FMN1: variants seen among roughly 807,000 people sequenced by gnomAD.
The protein encoded by FMN1 is formin-1.
A neutral mutation model predicts 132.4 loss-of-function variants in FMN1; 110 were observed. The ratio of observed to expected loss-of-function variants is 0.83; its 90% CI spans 0.71 to 0.97. The LOEUF (loss-of-function observed/expected upper bound fraction) is 0.97. Among genes scored for constraint, FMN1 ranks in the 50% least tolerant of loss-of-function variants. FMN1 has a pLI of 0.00. For missense variants in FMN1, 1,792 were observed against 1,705.3 expected (o/e 1.05, Z -0.90); for synonymous variants, 722 against 651.7 (o/e 1.11, Z -1.64).
At chr15:32,809,697 C>T (rs1408335773) in intron 17 of FMN1, among the ~76,000 whole-genome samples, 1 of 152,012 alleles carries the variant, frequency 6.6e-6, no homozygotes, top group Non-Finnish European at 1.5e-5. Flanking sequence ...TCTGAGGGGC[C>T]CTCCATGCCT....
intron 4 of FMN1, among the ~76,000 whole-genome samples, chr15:33,148,197 C>G (rs550292986): frequency 6.6e-6 from 1 of 152,282 alleles, no homozygotes; most frequent in South Asian, 2.1e-4. Flanking sequence ...ATTTAAAATT[C>G]CATCCCATCT....
intron 8 of FMN1, among the ~76,000 whole-genome samples, chr15:32,965,446 C>G (rs780234915): frequency 6.6e-6 from 1 of 152,156 alleles, no homozygotes; most frequent in Non-Finnish European, 1.5e-5. Context: ...CAAATTTCAT[C>G]TATATACTTA....
intron 19 of FMN1, among the ~76,000 whole-genome samples, chr15:32,788,960 C>T (rs1043687632): frequency 4.6e-5 from 7 of 152,134 alleles, no homozygotes; most frequent in African/African-American, 1.7e-4. Flanking sequence ...GATTCTTGGG[C>T]AAAAGCAACC....
chr15:33,190,501 C>A (rs967900981), intron 2 of FMN1, among the ~76,000 whole-genome samples: 1 of 151,972 alleles, frequency 6.6e-6, no homozygotes, highest in Non-Finnish European at 1.5e-5. Flanking sequence ...TTATGTTTCA[C>A]GGAGGACATC....
intron 4 of FMN1, among the ~76,000 whole-genome samples, chr15:33,110,568 G>A (rs545267741): frequency 6.6e-6 from 1 of 151,956 alleles, no homozygotes; most frequent in South Asian, 2.1e-4. Flanking sequence ...CATTTTTTGA[G>A]AATAGCTATT....
At chr15:32,797,243 C>A (rs776000008) in intron 19 of FMN1, among the ~76,000 whole-genome samples, 28 of 152,200 alleles carry the variant, frequency 1.8e-4, no homozygotes, top group Non-Finnish European at 3.8e-4. Context: ...ATTGCCTTCT[C>A]TGTTGGTCTT....
At chr15:32,789,678 C>T (rs143174295) in intron 19 of FMN1, among the ~76,000 whole-genome samples, 3 of 152,236 alleles carry the variant, frequency 2.0e-5, no homozygotes, top group Non-Finnish European at 4.4e-5. Context: ...ATATTCTAGG[C>T]CTTCAGATTC....
At chr15:32,835,157 C>G (rs111801883) in intron 17 of FMN1, among the ~76,000 whole-genome samples, 1 of 152,156 alleles carries the variant, frequency 6.6e-6, no homozygotes, top group African/African-American at 2.4e-5. Context: ...GAGGAGAGGG[C>G]AGGACACAGG....
chr15:32,830,451 C>A (rs182272171), intron 17 of FMN1, among the ~76,000 whole-genome samples: 9 of 152,216 alleles, frequency 5.9e-5, no homozygotes, highest in Admixed American at 3.9e-4. Context: ...CCTGTTTTCA[C>A]CTCTAGATGA....
intron 5 of FMN1, among the ~76,000 whole-genome samples, chr15:33,074,029 C>T (rs1241361827): frequency 6.6e-6 from 1 of 152,154 alleles, no homozygotes; most frequent in Non-Finnish European, 1.5e-5. Context: ...CTGCCTCCGG[C>T]CTGGCTTGAC....
intron 6 of FMN1, among the ~76,000 whole-genome samples, chr15:33,011,276 G>A (rs1202157478): frequency 2.6e-5 from 4 of 152,090 alleles, no homozygotes; most frequent in Non-Finnish European, 5.9e-5. Context: ...CTTGATATAT[G>A]ATAGAAATAG....
At chr15:32,983,014 A>G (rs2032800012) in intron 7 of FMN1, among the ~76,000 whole-genome samples, 1 of 152,200 alleles carries the variant, frequency 6.6e-6, no homozygotes, top group African/African-American at 2.4e-5. Context: ...ATATCTATAT[A>G]TTTTACGTAT....
Position 33,131,052 on chromosome 15 carries a change from G to T in FMN1, c.1867+21996C>A, listed in dbSNP as rs558275105. On this transcript the variant is annotated intron_variant, in intron 4 of 20. Coordinates refer to ENST00000616417, the MANE Select transcript of FMN1 (RefSeq NM_001277313.2). ...AAACTGTAAAAAGCTGTATTAGGCCGGGTGCGGTGGCTCATGCCTGTAATC... is the reference window on the plus strand; with the variant it reads ...AAACTGTAAAAAGCTGTATTAGGCCTGGTGCGGTGGCTCATGCCTGTAATC... 2.1e-4 allele frequency among the ~76,000 whole-genome samples: 32 copies of T among 152,236 alleles called. No individual in the cohort carries two copies. The South Asian group carries it at 6.6e-3, about 32-fold the overall frequency.
intron 19 of FMN1, among the ~76,000 whole-genome samples, chr15:32,798,221 G>A (rs924895080): frequency 3.0e-5 from 4 of 135,272 alleles, no homozygotes; most frequent in Non-Finnish European, 4.7e-5. Context: ...CACACACCCC[G>A]TCTATATTCA....
intron 6 of FMN1, among the ~76,000 whole-genome samples, chr15:33,010,132 C>A (rs1270253001): frequency 2.0e-5 from 3 of 152,152 alleles, no homozygotes; most frequent in African/African-American, 7.2e-5. Flanking sequence ...GATTCACCCC[C>A]CTCGGCTTCT....
intron 16 of FMN1, among the ~76,000 whole-genome samples, chr15:32,876,850 G>C (rs759040575): frequency 1.3e-5 from 2 of 152,198 alleles, no homozygotes; most frequent in Non-Finnish European, 2.9e-5. Flanking sequence ...CCCTGCATCA[G>C]AATACAGACA....
chr15:32,857,486 G>C (rs189933268), intron 16 of FMN1, among the ~76,000 whole-genome samples: 1 of 152,198 alleles, frequency 6.6e-6, no homozygotes, highest in African/African-American at 2.4e-5. Context: ...GCCCTCCTCA[G>C]ATTCACACTC....
At chr15:32,854,838 C>T (rs1458885143) in intron 17 of FMN1, among the ~76,000 whole-genome samples, 18 of 151,386 alleles carry the variant, frequency 1.2e-4, no homozygotes, top group East Asian at 3.9e-4. Context: ...TGCTTGAACC[C>T]GGGAGGTGGA....
intron 4 of FMN1, among the ~76,000 whole-genome samples, chr15:33,096,396 T>C (rs565339497): frequency 2.0e-5 from 3 of 152,294 alleles, no homozygotes; most frequent in Admixed American, 6.5e-5. Context: ...CCCAATGATC[T>C]GGAATTAAAG....
Sources: allele counts gnomAD v4.1 joint callset (sites outside exome capture counted in the v4.1 genomes callset), GRCh38; gene constraint gnomAD v4.1.1; transcripts MANE v1.5; gene names NCBI Gene and HGNC (gene_info 2026-07-23, HGNC 2026-07-21).